ESR1: variants seen among roughly 807,000 people sequenced by gnomAD.
ESR1 encodes estrogen receptor 1.
In ESR1, 12 loss-of-function variants were observed where a neutral mutation model predicts 52.7. The observed-to-expected ratio is 0.23, with a 90% CI of 0.15 to 0.37. The LOEUF is 0.37. ESR1 is among the 10% of genes least tolerant of loss of function. The probability of loss-of-function intolerance (pLI) is 1.00; values close to 1 mark genes in which losing one functional copy is unlikely to be tolerated. For synonymous variants in ESR1, 305 were observed against 316.8 expected (o/e 0.96, Z 0.39); for missense variants, 584 against 779.7 (o/e 0.75, Z 2.99).
chr6:151,873,595 A>G (rs1490999658), intron 2 of ESR1, among the ~76,000 whole-genome samples: 1 of 152,118 alleles, frequency 6.6e-6, no homozygotes, highest in African/African-American at 2.4e-5. Context: ...GATTCTTACT[A>G]TTTTCCCAAA....
intron 2 of ESR1, among the ~76,000 whole-genome samples, chr6:151,776,880 C>T (rs985481679): frequency 6.6e-6 from 1 of 151,324 alleles, no homozygotes; most frequent in Non-Finnish European, 1.5e-5. Context: ...GAAGAGTGGC[C>T]ACAGATTGGC....
chr6:151,785,937 C>T (rs2128126595), intron 2 of ESR1, among the ~76,000 whole-genome samples: 1 of 152,256 alleles, frequency 6.6e-6, no homozygotes, highest in South Asian at 2.1e-4. Flanking sequence ...CTCAAAATTT[C>T]TTATGTGGGA....
At chr6:151,667,653 T>C (rs1297283699) in intron 1 of ESR1, among the ~76,000 whole-genome samples, 2 of 152,216 alleles carry the variant, frequency 1.3e-5, no homozygotes, top group Admixed American at 6.5e-5. Context: ...TACAGGATCT[T>C]GAACTGGGCT....
At chr6:151,899,513 G>A (rs1796261873) in intron 3 of ESR1, among the ~76,000 whole-genome samples, 1 of 145,354 alleles carries the variant, frequency 6.9e-6, no homozygotes, top group African/African-American at 2.6e-5. Flanking sequence ...GGGGCGGCTG[G>A]CCGGGCGGGG....
At chr6:152,092,790 T>C (rs183839096) in intron 6 of ESR1, among the ~76,000 whole-genome samples, 2 of 152,332 alleles carry the variant, frequency 1.3e-5, no homozygotes, top group East Asian at 1.9e-4. Flanking sequence ...TCTCTTGTTC[T>C]CAATACTTCT....
intron 3 of ESR1, among the ~76,000 whole-genome samples, chr6:151,915,990 A>C (rs2030053237): frequency 6.6e-6 from 1 of 152,212 alleles, no homozygotes; most frequent in African/African-American, 2.4e-5. Flanking sequence ...AGATATTTTC[A>C]ATACAATTTC....
downstream of ESR1, among the ~76,000 whole-genome samples, chr6:152,107,944 C>T (rs1016974084): frequency 7.2e-5 from 11 of 152,172 alleles, no homozygotes; most frequent in African/African-American, 2.7e-4. Context: ...AATGACTAGG[C>T]TCAAACACCC....
rs150886628 is a variant in ESR1 at position 152,122,255 on chromosome 6, G to A, written c.851-3011G>A. The A allele has an allele frequency of 2.1e-5, 19 of 894,938 alleles. No individual in the cohort carries two copies. The highest frequency in any genetic ancestry group is 8.7e-5 in the Admixed American group (4 of 45,926). The allele number at this position is 894,938 out of a possible 1,614,324, so 55.4% of individuals were successfully genotyped here. ...CTTCTTGTTGTCTGTTTGTTCCCCC[G>A]TCACTGTTTATCTTCCACCTCTGAA... On this transcript the variant is annotated intron_variant, in intron 6 of 6. Coordinates refer to the ESR1 transcript ENST00000427531.
chr6:151,720,423 A>G (rs1287500151), intron 2 of ESR1, among the ~76,000 whole-genome samples: 3 of 152,212 alleles, frequency 2.0e-5, no homozygotes, highest in South Asian at 4.1e-4. Flanking sequence ...AAACAGATAT[A>G]TAGCAAGTAG....
At chr6:151,883,701 G>A (rs1220399495) in intron 3 of ESR1, among the ~76,000 whole-genome samples, 1 of 152,164 alleles carries the variant, frequency 6.6e-6, no homozygotes, top group Admixed American at 6.5e-5. Context: ...CATAGACTGG[G>A]TGGCTTAAGT....
At chr6:152,047,857 A>G (rs543462152) in intron 5 of ESR1, among the ~76,000 whole-genome samples, 1 of 150,272 alleles carries the variant, frequency 6.7e-6, no homozygotes, top group Non-Finnish European at 1.5e-5. Context: ...TGTGGCCACT[A>G]TGTGCTCCCG....
chr6:152,019,974 C>T (rs2043491187), intron 5 of ESR1, among the ~76,000 whole-genome samples: 1 of 152,186 alleles, frequency 6.6e-6, no homozygotes, highest in Admixed American at 6.5e-5. Flanking sequence ...GTAAGAGGCA[C>T]TCCTGCCCTC....
At chr6:152,106,134 T>C (rs866899159), downstream of ESR1, among the ~76,000 whole-genome samples, 2 of 152,212 alleles carry the variant, frequency 1.3e-5, no homozygotes, top group Non-Finnish European at 2.9e-5. Flanking sequence ...TTCAAATTAA[T>C]AGTAACTTAA....
chr6:151,842,504 A>C (rs1784458305), intron 1 of ESR1, 93 bp from the exon 2 acceptor site: 1 of 1,125,606 alleles, frequency 8.9e-7, no homozygotes, highest in Admixed American at 2.0e-5. Context: ...CATTATTTCA[A>C]AATGTCAGGA....
intron 2 of ESR1, among the ~76,000 whole-genome samples, chr6:151,796,860 C>T (rs1776759497): frequency 6.6e-6 from 1 of 152,210 alleles, no homozygotes. Context: ...AGTTTGGAGT[C>T]AACAGAAATC....
At chr6:151,935,161 A>G (rs981919738) in intron 3 of ESR1, among the ~76,000 whole-genome samples, 17 of 152,212 alleles carry the variant, frequency 1.1e-4, no homozygotes, top group African/African-American at 3.9e-4. Flanking sequence ...AAGAGCTTAG[A>G]TGAGCACTTG....
intron 4 of ESR1, among the ~76,000 whole-genome samples, chr6:151,978,505 C>T (rs2039678632): frequency 6.6e-6 from 1 of 152,024 alleles, no homozygotes; most frequent in South Asian, 2.1e-4. Flanking sequence ...GACACCAATC[C>T]ACAGATTCAG....
At chr6:151,766,639 T>G (rs946045724) in intron 2 of ESR1, among the ~76,000 whole-genome samples, 6 of 152,232 alleles carry the variant, frequency 3.9e-5, no homozygotes, top group Non-Finnish European at 7.3e-5. Flanking sequence ...GCAAGTATAA[T>G]GTCTAAAATG....
intron 1 of ESR1, among the ~76,000 whole-genome samples, chr6:151,812,848 A>G (rs1779025506): frequency 6.6e-6 from 1 of 152,182 alleles, no homozygotes; most frequent in Non-Finnish European, 1.5e-5. Context: ...AAATACAGCC[A>G]CTTGAAACCA....
Sources: allele counts gnomAD v4.1 joint callset (sites outside exome capture counted in the v4.1 genomes callset), GRCh38; gene constraint gnomAD v4.1.1; transcripts MANE v1.5; gene names NCBI Gene and HGNC (gene_info 2026-07-23, HGNC 2026-07-21).